SATB1: variants seen among roughly 807,000 people sequenced by gnomAD.
The protein encoded by SATB1 is SATB homeobox 1, also known as DNA-binding protein SATB1.
In SATB1, 11 loss-of-function variants were observed where a neutral mutation model predicts 86.9. That is an observed-to-expected ratio of 0.13 (90% CI 0.08 to 0.21). The LOEUF is 0.21. Ranked by LOEUF, SATB1 falls within the 10% of genes least tolerant of loss-of-function variation. SATB1 has a pLI of 1.00. For missense variants in SATB1, 551 were observed against 937.6 expected (o/e 0.59, Z 5.39); for synonymous variants, 357 against 357.2 (o/e 1.00, Z 0.01).
upstream of SATB1, among the ~76,000 whole-genome samples, chr3:18,443,382 T>C (rs1699290634): frequency 6.6e-6 from 1 of 152,214 alleles, no homozygotes; most frequent in Non-Finnish European, 1.5e-5. This position sits in a 1 kb window ranked among gnomAD's most constrained non-coding sequence, Gnocchi z 4.4. Flanking sequence ...TTTATAACCA[T>C]GTGGAGTCCA....
chr3:18,386,720 C>T lies in SATB1; in HGVS notation c.1207-109G>A. ...TGTTTAGAAAATGAACAGTCAGAGG[C>T]ATTAATTCTGCATAGGAATATATTA... On this transcript the variant is annotated intron_variant, in intron 7 of 10. Coordinates refer to ENST00000338745, the MANE Select transcript of SATB1 (RefSeq NM_002971.6). The surrounding 1 kb of genome is among the most constrained non-coding windows in gnomAD (Gnocchi z 4.5). 1.2e-6 allele frequency: 1 copy of T among 810,796 alleles called. No homozygotes were observed. The highest frequency in any genetic ancestry group is 2.0e-6 in the Non-Finnish European group (1 of 492,870). 50.2% of individuals were successfully genotyped at this position (810,796 alleles called of 1,614,324 possible).
In SATB1 at chr3:18,394,262, A is replaced by G. The variant is rs1417322603; in HGVS notation, c.1206+200T>C. 6.6e-6 allele frequency among the ~76,000 whole-genome samples: 1 copy of G among 152,226 alleles called. No individual in the cohort carries two copies. The highest frequency in any genetic ancestry group is 2.4e-5 in the African/African-American group (1 of 41,452). On this transcript the variant is annotated intron_variant, in intron 7 of 10. Transcript: ENST00000338745. The surrounding 1 kb of genome is among the most constrained non-coding windows in gnomAD (Gnocchi z 5.9). The stretch of plus-strand genomic sequence containing the variant: ...GCCCTGAATTGGGATCAATCTGCAC[A>G]TAGGTTCCCTTGATTCAGAAGTATA...
chr3:18,357,123 T>G (rs1694684885), intron 9 of SATB1, among the ~76,000 whole-genome samples: 1 of 151,740 alleles, frequency 6.6e-6, no homozygotes, highest in Non-Finnish European at 1.5e-5. Context: ...AGCAAAACAT[T>G]TTACAGTCTG....
chr3:18,413,754 T>C (rs1697985088), intron 5 of SATB1, among the ~76,000 whole-genome samples: 1 of 152,104 alleles, frequency 6.6e-6, no homozygotes, highest in Non-Finnish European at 1.5e-5. Context: ...TTGCAAGAAA[T>C]GGACACTTAA....
intron 1 of SATB1, among the ~76,000 whole-genome samples, chr3:18,422,899 TTAATG>T (rs1488583785): frequency 6.6e-6 from 1 of 152,230 alleles, no homozygotes; most frequent in African/African-American, 2.4e-5. Flanking sequence ...ACATTATAAT[TTAATG>T]TATTGACAAT....
intron 9 of SATB1, among the ~76,000 whole-genome samples, chr3:18,370,973 C>T (rs1695451350): frequency 6.6e-6 from 1 of 152,160 alleles, no homozygotes; most frequent in Non-Finnish European, 1.5e-5. Flanking sequence ...CCATGTGTTG[C>T]AATGGTCAAT....
intron 9 of SATB1, among the ~76,000 whole-genome samples, chr3:18,376,467 AG>A (rs1468062880): frequency 6.6e-6 from 1 of 151,932 alleles, no homozygotes; most frequent in Non-Finnish European, 1.5e-5. Flanking sequence ...CGGACAGGTC[AG>A]AAAAAAAAAT....
intron 7 of SATB1, among the ~76,000 whole-genome samples, chr3:18,389,768 T>A (rs1445357446): frequency 6.6e-6 from 1 of 152,148 alleles, no homozygotes; most frequent in African/African-American, 2.4e-5. Flanking sequence ...TTAAACAAAA[T>A]CATTAGTCAT....
In SATB1 at chr3:18,394,591, C is replaced by G; in HGVS notation, c.1077G>C (p.Lys359Asn). ...HPPPVSRSMN[K>N]PLEQQVSTNT... is the part of the protein sequence containing the mutation. ...TGGTCGAAACCTGTTGCTCCAAAGG[C>G]TTATTCATAGATCTACTGACAGGGG... The change falls in exon 7 of 11, where the codon AAG (lysine) becomes AAC (asparagine). Residue 359 changes from lysine to asparagine, a missense_variant. Lys to Asn is a moderately conservative substitution (Grantham distance 94). This residue lies in a region of SATB1 where 119 missense variants were observed against 171.1 expected (regional missense o/e 0.70). Coordinates refer to ENST00000338745, the MANE Select transcript of SATB1 (RefSeq NM_002971.6). This position sits in a 1 kb window ranked among gnomAD's most constrained non-coding sequence, Gnocchi z 5.9. 6.2e-7 allele frequency: 1 copy of G among 1,614,146 alleles called. No homozygotes were observed. Among genetic ancestry groups the G allele is most frequent in the Non-Finnish European group, 8.5e-7 (1 of 1,180,036 alleles).
intron 2 of SATB1, among the ~76,000 whole-genome samples, chr3:18,420,466 A>C (rs899379687): frequency 2.6e-5 from 4 of 152,080 alleles, no homozygotes; most frequent in African/African-American, 4.8e-5. Flanking sequence ...CTCGACTACA[A>C]CACCTTTTGA....
chr3:18,402,452 T>C (rs1347777927), intron 5 of SATB1, among the ~76,000 whole-genome samples: 2 of 152,110 alleles, frequency 1.3e-5, no homozygotes, highest in East Asian at 1.9e-4. Flanking sequence ...TTATCACTGA[T>C]TGCTCAGCTT....
At chr3:18,389,315 G>C (rs1696512786) in intron 7 of SATB1, among the ~76,000 whole-genome samples, 1 of 148,150 alleles carries the variant, frequency 6.7e-6, no homozygotes, top group Non-Finnish European at 1.5e-5. Context: ...GTGCCCCCTG[G>C]TGGAAATGCT....
intron 9 of SATB1, among the ~76,000 whole-genome samples, chr3:18,373,057 C>T (rs1327946343): frequency 6.6e-6 from 1 of 152,182 alleles, no homozygotes; most frequent in Non-Finnish European, 1.5e-5. Flanking sequence ...CCTCCTCTTC[C>T]AGGCAAGTGG....
At chr3:18,442,261 T>C (rs1699262503), upstream of SATB1, among the ~76,000 whole-genome samples, 1 of 152,178 alleles carries the variant, frequency 6.6e-6, no homozygotes, top group Non-Finnish European at 1.5e-5. Context: ...ATATATTATT[T>C]ATATTCATTA....
rs1408718354 is a variant in SATB1 at position 18,443,908 on chromosome 3, G to C, written c.-25+1610C>G. On this transcript the variant is annotated intron_variant, in intron 1 of 3. Coordinates refer to the SATB1 transcript ENST00000415069. This position sits in a 1 kb window ranked among gnomAD's most constrained non-coding sequence, Gnocchi z 4.4. ...CAGCAGCCTCTCCAGGACCGGCCTCGCTACAGCCAGCGAGGGCTCGAAATG... is the reference window on the plus strand; with the variant it reads ...CAGCAGCCTCTCCAGGACCGGCCTCCCTACAGCCAGCGAGGGCTCGAAATG... Among the ~76,000 whole-genome samples, 1 of 152,142 alleles carries C rather than the reference G, an allele frequency of 6.6e-6. No individual in the cohort carries two copies. The highest frequency in any genetic ancestry group is 2.4e-5 in the African/African-American group (1 of 41,434).
At chr3:18,374,631 A>T (rs935651170) in intron 9 of SATB1, among the ~76,000 whole-genome samples, 6 of 152,224 alleles carry the variant, frequency 3.9e-5, no homozygotes, top group Admixed American at 2.0e-4. Flanking sequence ...TTTCTATTAG[A>T]GTTAAAAACA....
intron 5 of SATB1, 52 bp downstream of exon 5, chr3:18,415,059 A>T: frequency 6.2e-7 from 1 of 1,601,682 alleles, no homozygotes; most frequent in Non-Finnish European, 8.5e-7. Flanking sequence ...TCAAACCTCA[A>T]ATCAGGGTTG....
At chr3:18,390,432 C>A (rs973110494) in intron 7 of SATB1, among the ~76,000 whole-genome samples, 17 of 152,140 alleles carry the variant, frequency 1.1e-4, no homozygotes, top group Non-Finnish European at 2.2e-4. Flanking sequence ...TGGATTCATG[C>A]CAAGTAAGTT....
At chr3:18,362,465 A>G (rs780725301) in intron 9 of SATB1, among the ~76,000 whole-genome samples, 5 of 152,092 alleles carry the variant, frequency 3.3e-5, no homozygotes, top group African/African-American at 4.8e-5. Context: ...TTAGTGGTAA[A>G]ATACTGTATA....
Sources: gnomAD v4.1 joint callset for allele counts (sites outside exome capture counted in the v4.1 genomes callset) on GRCh38, gnomAD v4.1.1 for gene constraint, gnomAD v4.1.1 regional missense constraint, Gnocchi (gnomAD v3.1) non-coding constraint, MANE v1.5 for transcripts, NCBI Gene and HGNC (gene_info 2026-07-23, HGNC 2026-07-21) for gene names.